The following SLC28A3 variants were observed in gnomAD, a reference collection of about 807,000 sequenced individuals.
SLC28A3 encodes solute carrier family 28 member 3, also known as concentrative Na(+)-nucleoside cotransporter 3.
Under a neutral mutation model 84.2 loss-of-function variants are expected in SLC28A3, and 68 were observed. The ratio of observed to expected loss-of-function variants is 0.81; its 90% CI spans 0.66 to 0.99. The LOEUF is 0.99. Ranked by LOEUF, SLC28A3 falls within the 50% of genes least tolerant of loss-of-function variation. SLC28A3 has a pLI of 0.00. For synonymous variants in SLC28A3, 267 were observed against 303.6 expected (o/e 0.88, Z 1.25); for missense variants, 712 against 841.5 (o/e 0.85, Z 1.90).
chr9:84,339,560 T>C (rs1387897503), intron 1 of SLC28A3, among the ~76,000 whole-genome samples: 1 of 152,180 alleles, frequency 6.6e-6, no homozygotes, highest in Non-Finnish European at 1.5e-5. Context: ...ACATGTGAGA[T>C]TTTAAATATG....
At chr9:84,346,811 G>T in the SLC28A3 span, among the ~76,000 whole-genome samples, 6 of 152,118 alleles carry the variant, frequency 3.9e-5, no homozygotes, top group African/African-American at 1.4e-4. Context: ...ACTGGCCATA[G>T]AATCTGCCAC....
upstream of SLC28A3, chr9:84,340,790 A>C: frequency 5.2e-6 from 3 of 575,042 alleles, no homozygotes; most frequent in East Asian, 7.4e-5. Context: ...CTGAATGACT[A>C]GGGCTGACAC....
chr9:84,290,524 A>G (rs12350045), intron 10 of SLC28A3, among the ~76,000 whole-genome samples: 1,534 of 152,278 alleles, frequency 0.01, 28 homozygotes, highest in African/African-American at 0.035. Flanking sequence ...GGTGATTCCA[A>G]TGCATGCTCA....
chr9:84,336,946 T>C (rs1271639257), intron 1 of SLC28A3, among the ~76,000 whole-genome samples: 1 of 152,160 alleles, frequency 6.6e-6, no homozygotes, highest in Non-Finnish European at 1.5e-5. Flanking sequence ...CCTTTGGTGA[T>C]GCTGTCACAG....
chr9:84,362,565 G>A, the SLC28A3 span, among the ~76,000 whole-genome samples: 1 of 151,958 alleles, frequency 6.6e-6, no homozygotes, highest in African/African-American at 2.4e-5. Flanking sequence ...CTGGGAGGCG[G>A]AGATTGCAGT....
chr9:84,311,732 G>A (rs572593315), intron 2 of SLC28A3, among the ~76,000 whole-genome samples: 8 of 152,100 alleles, frequency 5.3e-5, no homozygotes, highest in Admixed American at 4.6e-4. Context: ...GACGGGTGCC[G>A]GTAATCCCAA....
chr9:84,333,007 A>G (rs1379434590), intron 1 of SLC28A3, among the ~76,000 whole-genome samples: 1 of 152,192 alleles, frequency 6.6e-6, no homozygotes, highest in Non-Finnish European at 1.5e-5. Context: ...TAGCAGATTT[A>G]TTTGCCAAAG....
the SLC28A3 span, among the ~76,000 whole-genome samples, chr9:84,353,723 T>C: frequency 6.6e-6 from 1 of 151,940 alleles, no homozygotes; most frequent in Non-Finnish European, 1.5e-5. Context: ...AAACAAAAAT[T>C]ATAAACAGAA....
At chr9:84,284,872 G>A (rs966481709) in intron 14 of SLC28A3, among the ~76,000 whole-genome samples, 1 of 152,176 alleles carries the variant, frequency 6.6e-6, no homozygotes, top group African/African-American at 2.4e-5. Context: ...GTCCAGGCAT[G>A]TTACTTTTGG....
chr9:84,341,974 C>T (rs1244006279), upstream of SLC28A3, among the ~76,000 whole-genome samples: 1 of 151,722 alleles, frequency 6.6e-6, no homozygotes, highest in African/African-American at 2.4e-5. Context: ...ACTAAAAATA[C>T]AAAAATTAGC....
chr9:84,345,563 C>T (rs1827236163), upstream of SLC28A3, among the ~76,000 whole-genome samples: 2 of 152,064 alleles, frequency 1.3e-5, no homozygotes. Context: ...TGGCTGCAGA[C>T]AAAATTTGAA....
the SLC28A3 span, among the ~76,000 whole-genome samples, chr9:84,345,771 C>G: frequency 6.6e-6 from 1 of 152,110 alleles, no homozygotes; most frequent in African/African-American, 2.4e-5. Context: ...ATCCAGAGAA[C>G]TTGTAATTTA....
At chr9:84,366,859 C>G in the SLC28A3 span, among the ~76,000 whole-genome samples, 3 of 152,214 alleles carry the variant, frequency 2.0e-5, no homozygotes, top group Admixed American at 6.5e-5. Context: ...AGCCCTGAGT[C>G]TCACCCAAGA....
At chr9:84,334,280 C>T (rs1289381680) in intron 1 of SLC28A3, among the ~76,000 whole-genome samples, 2 of 152,108 alleles carry the variant, frequency 1.3e-5, no homozygotes, top group Non-Finnish European at 2.9e-5. Context: ...GCCTGGGCAA[C>T]AGAGCGAGAC....
At chr9:84,315,274 G>C (rs1449401042) in intron 1 of SLC28A3, among the ~76,000 whole-genome samples, 2 of 152,164 alleles carry the variant, frequency 1.3e-5, no homozygotes, top group Non-Finnish European at 2.9e-5. Flanking sequence ...TGGAGTAACA[G>C]AACACAGGTC....
At chr9:84,323,363 A>T (rs2118521880) in intron 1 of SLC28A3, among the ~76,000 whole-genome samples, 1 of 152,228 alleles carries the variant, frequency 6.6e-6, no homozygotes, top group Middle Eastern at 3.4e-3. Context: ...AGGCAGACTG[A>T]CTAAAGCCTC....
intron 12 of SLC28A3, among the ~76,000 whole-genome samples, chr9:84,286,445 CTTTTTTTT>C (rs71498094): frequency 1.1e-5 from 1 of 87,680 alleles, no homozygotes; most frequent in East Asian, 3.6e-4. Context: ...CCATGCTTGG[CTTTTTTTT>C]TTTTTTTTTT....
At chr9:84,365,878 C>T in the SLC28A3 span, among the ~76,000 whole-genome samples, 1 of 152,014 alleles carries the variant, frequency 6.6e-6, no homozygotes, top group Non-Finnish European at 1.5e-5. Context: ...TGGAGAAACC[C>T]TGTCTCTACT....
the SLC28A3 span, among the ~76,000 whole-genome samples, chr9:84,365,316 CTT>C: frequency 1.3e-5 from 2 of 152,138 alleles, no homozygotes; most frequent in African/African-American, 4.8e-5. Flanking sequence ...ATTTAAATGT[CTT>C]CTTTTGAGAA....
Sources: allele counts gnomAD v4.1 joint callset (sites outside exome capture counted in the v4.1 genomes callset), GRCh38; gene constraint gnomAD v4.1.1; transcripts MANE v1.5; gene names NCBI Gene and HGNC (gene_info 2026-07-23, HGNC 2026-07-21).